Variants in CNTN5 observed in about 807,000 individuals in gnomAD.
CNTN5 encodes the protein contactin-5.
Under a neutral mutation model 129.1 loss-of-function variants are expected in CNTN5, and 77 were observed. The ratio of observed to expected loss-of-function variants is 0.60; its 90% CI spans 0.50 to 0.72. CNTN5 has a LOEUF of 0.72. Ranked by LOEUF, CNTN5 falls within the 30% of genes least tolerant of loss-of-function variation. The probability of loss-of-function intolerance (pLI) is 0.00; values close to 1 mark genes in which losing one functional copy is unlikely to be tolerated. For synonymous variants in CNTN5, 509 were observed against 465.6 expected (o/e 1.09, Z -1.20); for missense variants, 1,478 against 1,328.8 (o/e 1.11, Z -1.75).
At chr11:100,228,369 T>C (rs1260831392) in intron 16 of CNTN5, among the ~76,000 whole-genome samples, 1 of 152,210 alleles carries the variant, frequency 6.6e-6, no homozygotes, top group Non-Finnish European at 1.5e-5. Flanking sequence ...ATGTCACTTG[T>C]TGGGAGACAT....
chr11:100,071,131 A>T (rs1166741476), intron 11 of CNTN5, among the ~76,000 whole-genome samples: 1 of 151,936 alleles, frequency 6.6e-6, no homozygotes, highest in Non-Finnish European at 1.5e-5. Flanking sequence ...TTTGTTTTTT[A>T]TACTATCTTA....
At chr11:99,369,963 T>C (rs537898405) in intron 2 of CNTN5, among the ~76,000 whole-genome samples, 1 of 152,284 alleles carries the variant, frequency 6.6e-6, no homozygotes, top group African/African-American at 2.4e-5. Flanking sequence ...AGGCCAAAGT[T>C]ATGTCATTAC....
intron 13 of CNTN5, among the ~76,000 whole-genome samples, chr11:100,107,882 A>C (rs1206538479): frequency 6.6e-6 from 1 of 152,086 alleles, no homozygotes; most frequent in Non-Finnish European, 1.5e-5. Context: ...GCTTAATATC[A>C]AACTCTTCAC....
intron 6 of CNTN5, among the ~76,000 whole-genome samples, chr11:99,847,377 G>C (rs1317256948): frequency 6.6e-6 from 1 of 152,192 alleles, no homozygotes; most frequent in Admixed American, 6.5e-5. Context: ...TTTATCTAAA[G>C]TATCTTACCT....
rs970644243 is a variant in CNTN5, at chr11:99,164,138, C to T, written c.-210+142868C>T. On this transcript the variant is annotated intron_variant, in intron 1 of 24. Transcript: ENST00000524871. ...GTTAGGAGTTCAAGACCAGCCTGGC[C>T]AACATGGTGAAACCCTGTCTCTACT... 2.6e-5 allele frequency among the ~76,000 whole-genome samples: 4 copies of T among 151,876 alleles called. No individual in the cohort carries two copies. In the South Asian group the frequency reaches 6.2e-4, roughly 24 times the overall value.
At chr11:99,126,790 A>G (rs1224372092) in intron 1 of CNTN5, among the ~76,000 whole-genome samples, 3 of 152,172 alleles carry the variant, frequency 2.0e-5, no homozygotes, top group Non-Finnish European at 4.4e-5. Flanking sequence ...TCTCTCTAAT[A>G]GATATGTAGA....
intron 2 of CNTN5, among the ~76,000 whole-genome samples, chr11:99,430,080 T>G (rs1196892778): frequency 6.6e-6 from 1 of 152,020 alleles, no homozygotes; most frequent in Non-Finnish European, 1.5e-5. Flanking sequence ...GCAGAAGACC[T>G]CAAAAGAGGG....
chr11:100,126,145 A>C (rs2138186083), intron 13 of CNTN5, among the ~76,000 whole-genome samples: 1 of 152,192 alleles, frequency 6.6e-6, no homozygotes, highest in Non-Finnish European at 1.5e-5. Flanking sequence ...TTACAGTTGT[A>C]TTCCACTGTG....
Position 99,800,499 on chromosome 11 carries a change from G to A in CNTN5, c.56-19045G>A, listed in dbSNP as rs566903881. On this transcript the variant is annotated intron_variant, in intron 3 of 24. Transcript: ENST00000524871. The stretch of plus-strand genomic sequence containing the variant: ...TGTTAGGTCTGGGATTTCTTTGTTA[G>A]TTTTGGGCCTTGATGATCTGTCTGA... Among the ~76,000 whole-genome samples, 5 of 152,182 alleles carry A rather than the reference G, an allele frequency of 3.3e-5. No homozygotes were observed. The South Asian group carries it at 1.0e-3, about 32-fold the overall frequency.
At chr11:99,187,046 G>C (rs1249436681) in intron 1 of CNTN5, among the ~76,000 whole-genome samples, 1 of 151,818 alleles carries the variant, frequency 6.6e-6, no homozygotes, top group African/African-American at 2.4e-5. Flanking sequence ...AATTCCCAGA[G>C]GCAACTGAAC....
At chr11:99,781,035 T>G (rs529085734) in intron 3 of CNTN5, among the ~76,000 whole-genome samples, 1 of 152,226 alleles carries the variant, frequency 6.6e-6, no homozygotes, top group South Asian at 2.1e-4. Context: ...TAATTGATCA[T>G]GTTGTCTTTG....
intron 3 of CNTN5, among the ~76,000 whole-genome samples, chr11:99,638,495 A>C (rs114636931): frequency 0.021 from 3,181 of 152,202 alleles, 118 homozygotes; most frequent in African/African-American, 0.073. Flanking sequence ...CCAAAGTCCA[A>C]AGTCTCATCT....
intron 1 of CNTN5, among the ~76,000 whole-genome samples, chr11:99,056,525 C>G (rs1269539902): frequency 1.3e-5 from 2 of 152,004 alleles, no homozygotes; most frequent in African/African-American, 4.8e-5. Flanking sequence ...ACCCCCAGAA[C>G]TGCTGCCAGT....
At chr11:100,117,920 A>G (rs927795730) in intron 13 of CNTN5, among the ~76,000 whole-genome samples, 1 of 151,878 alleles carries the variant, frequency 6.6e-6, no homozygotes, top group Non-Finnish European at 1.5e-5. Context: ...ATTAGTTTAC[A>G]TAGGAGAACC....
At chr11:99,637,368 T>G (rs1486539715) in intron 3 of CNTN5, among the ~76,000 whole-genome samples, 2 of 152,018 alleles carry the variant, frequency 1.3e-5, no homozygotes, top group African/African-American at 4.8e-5. Flanking sequence ...GGAAAAAAAT[T>G]AGCGTTGTAT....
At chr11:100,287,295 C>A (rs1308732587) in intron 18 of CNTN5, among the ~76,000 whole-genome samples, 1 of 151,622 alleles carries the variant, frequency 6.6e-6, no homozygotes, top group Non-Finnish European at 1.5e-5. Flanking sequence ...AACTCCAAGA[C>A]ACATAATTGT....
At chr11:99,971,960 A>G (rs966074267) in intron 8 of CNTN5, among the ~76,000 whole-genome samples, 1 of 150,240 alleles carries the variant, frequency 6.7e-6, no homozygotes, top group African/African-American at 2.5e-5. Context: ...AAAAAAAACA[A>G]AAAAAACGGG....
chr11:99,909,606 T>C (rs1949601360), intron 6 of CNTN5, among the ~76,000 whole-genome samples: 1 of 152,118 alleles, frequency 6.6e-6, no homozygotes, highest in African/African-American at 2.4e-5. Context: ...ATGTGGCACA[T>C]ATAAACCATG....
intron 20 of CNTN5, among the ~76,000 whole-genome samples, chr11:100,307,568 G>C (rs545686365): frequency 3.3e-4 from 50 of 151,566 alleles, no homozygotes; most frequent in Middle Eastern, 3.4e-3. Context: ...AAATGAAAAG[G>C]TGGTTTTGAG....
Sources: gnomAD v4.1 joint callset for allele counts (sites outside exome capture counted in the v4.1 genomes callset) on GRCh38, gnomAD v4.1.1 for gene constraint, MANE v1.5 for transcripts, NCBI Gene and HGNC (gene_info 2026-07-23, HGNC 2026-07-21) for gene names.